Variants in MAP4K4 observed in about 807,000 individuals in gnomAD.
MAP4K4 encodes HPK/GCK-like kinase HGK.
A neutral mutation model predicts 189.6 loss-of-function variants in MAP4K4; 38 were observed. That is an observed-to-expected ratio of 0.20 (90% CI 0.15 to 0.26). The LOEUF is 0.26. Ranked by LOEUF, MAP4K4 falls within the 10% of genes least tolerant of loss-of-function variation. The probability of loss-of-function intolerance (pLI) is 1.00; values close to 1 mark genes in which losing one functional copy is unlikely to be tolerated. For missense variants in MAP4K4, 1,054 were observed against 1,726.9 expected, an observed-to-expected ratio of 0.61 and a Z score of 6.91; for synonymous variants, 610 against 624.3, an observed-to-expected ratio of 0.98 and a Z score of 0.34.
intron 28 of MAP4K4, among the ~76,000 whole-genome samples, chr2:101,884,949 C>G (rs2098459989): frequency 6.6e-6 from 1 of 152,118 alleles, no homozygotes; most frequent in Non-Finnish European, 1.5e-5. Context: ...ATCTTGGAAT[C>G]TATTATAAGA....
intron 2 of MAP4K4, among the ~76,000 whole-genome samples, chr2:101,779,726 T>C (rs2086292388): frequency 6.6e-6 from 1 of 152,068 alleles, no homozygotes; most frequent in African/African-American, 2.4e-5. Context: ...GTTGATGGCA[T>C]GGGTGCATTA....
chr2:101,748,273 A>G (rs918701033), intron 2 of MAP4K4, among the ~76,000 whole-genome samples: 3 of 152,218 alleles, frequency 2.0e-5, no homozygotes, highest in Non-Finnish European at 4.4e-5. Context: ...TTCCATTTGC[A>G]CATCTTCAAA....
chr2:101,821,871 T>G (rs2096075847), intron 3 of MAP4K4, among the ~76,000 whole-genome samples: 1 of 152,246 alleles, frequency 6.6e-6, no homozygotes, highest in Non-Finnish European at 1.5e-5. Flanking sequence ...TTTAAATATC[T>G]TTGTAAGCTT....
rs190300105 is a variant in MAP4K4, at chr2:101,792,268, C to T, written c.180+1492C>T. ...CGGTCTTTGCATATTTATTAACACA[C>T]TTTTTGACTTGTTTACTGGCAGACT... On this transcript the variant is annotated intron_variant, in intron 3 of 32. Transcript: ENST00000324219. Among the ~76,000 whole-genome samples, 6 of 152,232 alleles carry T rather than the reference C, an allele frequency of 3.9e-5. No homozygotes were observed. In the East Asian group the frequency reaches 1.2e-3, roughly 29 times the overall value.
intron 2 of MAP4K4, among the ~76,000 whole-genome samples, chr2:101,700,674 T>C (rs913790926): frequency 4.6e-5 from 7 of 152,240 alleles, no homozygotes; most frequent in African/African-American, 9.6e-5. Context: ...GTAAATACTT[T>C]AGAATGTTTC....
intron 2 of MAP4K4, among the ~76,000 whole-genome samples, chr2:101,726,601 G>A (rs1292808054): frequency 1.3e-5 from 2 of 152,168 alleles, no homozygotes; most frequent in East Asian, 3.8e-4. Context: ...TAGTTTAGCC[G>A]ATGCTTTGTA....
intron 26 of MAP4K4, 24 bp downstream of exon 26, chr2:101,874,276 A>G (rs1186779586): frequency 5.7e-6 from 9 of 1,588,126 alleles, no homozygotes; most frequent in Non-Finnish European, 6.9e-6. Flanking sequence ...CACTACTCCA[A>G]CACTTTCATT....
At chr2:101,842,667 G>A in exon 11 of MAP4K4, 2 of 1,608,106 alleles carry the variant, frequency 1.2e-6, no homozygotes, top group Non-Finnish European at 1.7e-6. Context: ...TGCCTGAACA[G>A]GAAGGAGAGC....
intron 27 of MAP4K4, among the ~76,000 whole-genome samples, chr2:101,881,842 TTTG>T (rs1269173786): frequency 5.9e-5 from 9 of 151,898 alleles, no homozygotes; most frequent in South Asian, 4.1e-4. Flanking sequence ...CCCCATCATT[TTTG>T]TTGTTGTTGC....
chr2:101,698,769 C>T (rs1458193005), intron 2 of MAP4K4, among the ~76,000 whole-genome samples: 1 of 152,194 alleles, frequency 6.6e-6, no homozygotes, highest in Non-Finnish European at 1.5e-5. Context: ...AAGCTACACT[C>T]TTAGGCATGC....
chr2:101,728,993 C>G (rs1262666865), intron 2 of MAP4K4, among the ~76,000 whole-genome samples: 1 of 151,762 alleles, frequency 6.6e-6, no homozygotes, highest in African/African-American at 2.4e-5. Flanking sequence ...TGTTCAGTTT[C>G]AGGAAATTGT....
intron 12 of MAP4K4, 109 bp downstream of exon 12, chr2:101,844,420 AT>A (rs1191843919): frequency 6.0e-6 from 5 of 830,392 alleles, no homozygotes; most frequent in African/African-American, 1.7e-5. Context: ...GGTAATACTT[AT>A]CCCCTGGCAC....
intron 2 of MAP4K4, among the ~76,000 whole-genome samples, chr2:101,733,212 A>C (rs1286342100): frequency 6.6e-6 from 1 of 152,214 alleles, no homozygotes; most frequent in African/African-American, 2.4e-5. Context: ...CCTGCAGGGT[A>C]CACCTGAGCC....
In MAP4K4 at chr2:101,786,216, A is replaced by G. The variant is rs1010617067; in HGVS notation, c.124-4504A>G. Among the ~76,000 whole-genome samples, 5 of 152,094 alleles carry G rather than the reference A, an allele frequency of 3.3e-5. No homozygotes were observed. The South Asian group carries it at 6.2e-4, about 19-fold the overall frequency. On this transcript the variant is annotated intron_variant, in intron 2 of 32. Coordinates refer to ENST00000324219, the Ensembl canonical transcript of MAP4K4. ...TCTCTATGGGCCAGGGGCAGATTTC[A>G]TTAGAGGCAGACAAATAGGCTGCCA...
intron 2 of MAP4K4, among the ~76,000 whole-genome samples, chr2:101,766,379 T>G (rs1485854217): frequency 6.6e-6 from 1 of 152,194 alleles, no homozygotes; most frequent in East Asian, 1.9e-4. Context: ...GGATTTCTGC[T>G]TTATGATAAG....
intron 4 of MAP4K4, among the ~76,000 whole-genome samples, chr2:101,825,053 TGA>T (rs2096285557): frequency 6.6e-6 from 1 of 152,208 alleles, no homozygotes; most frequent in South Asian, 2.1e-4. Context: ...CATGTGCTTC[TGA>T]GAGAGAATGA....
At chr2:101,708,517 A>G (rs1387321177) in intron 2 of MAP4K4, among the ~76,000 whole-genome samples, 1 of 152,248 alleles carries the variant, frequency 6.6e-6, no homozygotes, top group African/African-American at 2.4e-5. Context: ...AAGCAGTGCC[A>G]TGGTACGTAT....
chr2:101,846,734 C>T (rs1405946032), intron 12 of MAP4K4, among the ~76,000 whole-genome samples: 1 of 152,186 alleles, frequency 6.6e-6, no homozygotes, highest in Non-Finnish European at 1.5e-5. Context: ...TCAGGGTCAT[C>T]TCTTTGAGCT....
chr2:101,754,446 A>T (rs889489787), intron 2 of MAP4K4, among the ~76,000 whole-genome samples: 9 of 147,572 alleles, frequency 6.1e-5, no homozygotes, highest in African/African-American at 2.3e-4. Context: ...CCACCTCCTG[A>T]GTTCAAGCAA....
Sources: allele counts gnomAD v4.1 joint callset (sites outside exome capture counted in the v4.1 genomes callset), GRCh38; gene constraint gnomAD v4.1.1; transcripts MANE v1.5; gene names NCBI Gene and HGNC (gene_info 2026-07-23, HGNC 2026-07-21).